CLYBL: variants seen among roughly 807,000 people sequenced by gnomAD.
CLYBL encodes citramalyl-CoA lyase.
Under a neutral mutation model 38.9 loss-of-function variants are expected in CLYBL, and 31 were observed. The ratio of observed to expected loss-of-function variants is 0.80; its 90% CI spans 0.60 to 1.08. The LOEUF is 1.08. Among genes scored for constraint, CLYBL ranks in the 50% least tolerant of loss-of-function variants. CLYBL has a pLI of 0.00. For synonymous variants in CLYBL, 171 were observed against 158.6 expected (o/e 1.08, Z -0.59); for missense variants, 434 against 411.6 (o/e 1.05, Z -0.47).
intron 7 of CLYBL, chr13:99,885,081 G>A (rs954762965): frequency 1.9e-6 from 1 of 530,082 alleles, no homozygotes; most frequent in South Asian, 1.4e-5. Flanking sequence ...ACTGGGTGCT[G>A]GGTGCCAGGT....
At chr13:99,895,566 G>C (rs2052564905), downstream of CLYBL, 2 of 152,190 alleles carry the variant, frequency 1.3e-5, no homozygotes, top group South Asian at 4.1e-4. Flanking sequence ...GCGTACCTGA[G>C]CGCGGTCCCC....
At chr13:99,812,584 C>T (rs142096269) in intron 2 of CLYBL, among the ~76,000 whole-genome samples, 21 of 152,292 alleles carry the variant, frequency 1.4e-4, no homozygotes, top group East Asian at 1.2e-3. Context: ...CACACACTTC[C>T]GGTTTTCAGA....
At chr13:99,795,057 G>A (rs1193109254) in intron 2 of CLYBL, among the ~76,000 whole-genome samples, 2 of 152,124 alleles carry the variant, frequency 1.3e-5, no homozygotes, top group Non-Finnish European at 2.9e-5. Flanking sequence ...ATCTTATTCT[G>A]TACCGGCTAT....
chr13:99,652,149 C>G (rs1470345690), intron 1 of CLYBL, among the ~76,000 whole-genome samples: 1 of 152,174 alleles, frequency 6.6e-6, no homozygotes, highest in East Asian at 1.9e-4. Flanking sequence ...GATGCAGGCT[C>G]CAGGGAGGGA....
intron 1 of CLYBL, among the ~76,000 whole-genome samples, chr13:99,663,344 C>T (rs1052373657): frequency 6.6e-6 from 1 of 152,182 alleles, no homozygotes; most frequent in African/African-American, 2.4e-5. Flanking sequence ...GGCCACTTTA[C>T]GTGGCTGAAG....
At chr13:99,778,991 G>C (rs909315354) in intron 2 of CLYBL, among the ~76,000 whole-genome samples, 1 of 152,164 alleles carries the variant, frequency 6.6e-6, no homozygotes, top group Non-Finnish European at 1.5e-5. Flanking sequence ...TGCCATGGCA[G>C]GCAGGAGGGA....
chr13:99,786,985 G>T (rs1433241238), intron 2 of CLYBL, among the ~76,000 whole-genome samples: 7 of 151,960 alleles, frequency 4.6e-5, no homozygotes, highest in African/African-American at 1.7e-4. Context: ...TCATGTGTGT[G>T]TTGGCTGCAT....
At chr13:99,765,847 G>A (rs988980077) in intron 1 of CLYBL, among the ~76,000 whole-genome samples, 5 of 146,140 alleles carry the variant, frequency 3.4e-5, no homozygotes, top group Admixed American at 2.7e-4. Flanking sequence ...ACCAAGTCGA[G>A]TCTTTTTTTT....
At chr13:99,705,999 T>C in intron 1 of CLYBL, among the ~76,000 whole-genome samples, 1 of 151,956 alleles carries the variant, frequency 6.6e-6, no homozygotes. Flanking sequence ...TGGCATGATC[T>C]CGGCTCACTG....
Position 99,609,787 on chromosome 13 carries a change from C to T in CLYBL, c.62+3030C>T, listed in dbSNP as rs573700992. 2.0e-5 allele frequency among the ~76,000 whole-genome samples: 3 copies of T among 152,382 alleles called. No individual in the cohort carries two copies. The South Asian group carries it at 6.2e-4, about 32-fold the overall frequency. On this transcript the variant is annotated intron_variant, in intron 1 of 8. Transcript: ENST00000339105. ...CTTGGCTCAAGCAATCTGCCTGCCT[C>T]TGTCGCTCATAGTATTGGGATTACA...
intron 2 of CLYBL, among the ~76,000 whole-genome samples, chr13:99,808,827 T>G (rs951819178): frequency 1.3e-5 from 2 of 152,236 alleles, no homozygotes; most frequent in African/African-American, 4.8e-5. Flanking sequence ...TTTTCCATGT[T>G]GAAAAGCTGC....
chr13:99,697,275 C>T (rs141395456), intron 1 of CLYBL, among the ~76,000 whole-genome samples: 269 of 152,260 alleles, frequency 1.8e-3, no homozygotes, highest in African/African-American at 6.2e-3. Context: ...AAGGATCCGC[C>T]CATAGTTTTA....
In CLYBL at chr13:99,846,286, AT is replaced by A. The variant is rs5806139; in HGVS notation, c.250-12552del. Among the ~76,000 whole-genome samples the A allele has an allele frequency of 6.3e-3, 682 of 108,120 alleles. 1 individual carries two copies. The highest frequency in any genetic ancestry group is 0.019 in the African/African-American group (589 of 30,554). 70.9% of individuals were successfully genotyped at this position (108,120 alleles called of 152,430 possible). A position where few individuals can be genotyped will look rare whatever the true frequency, so the allele number is the denominator to read the frequency against. ...CAATATTACCAAATATTGTGTGGAG[AT>A]TTTTTTTTTTTTTTTTTTTTTTGAG... On this transcript the variant is annotated intron_variant, in intron 2 of 8. Transcript: ENST00000339105.
chr13:99,753,161 G>A lies in CLYBL; in HGVS notation c.63-19663G>A, dbSNP rs192453000. 2.6e-5 allele frequency among the ~76,000 whole-genome samples: 4 copies of A among 152,278 alleles called. No individual in the cohort carries two copies. In the East Asian group the frequency reaches 7.7e-4, roughly 29 times the overall value. On this transcript the variant is annotated intron_variant, in intron 1 of 8. Transcript: ENST00000339105. ...GAGCAGGAAGATGTGGTGTGTCAGG[G>A]AACTGGCAGCAGATACCTGTAACTG...
chr13:99,732,169 G>GTTTTTTTTTT (rs35027014), intron 1 of CLYBL, among the ~76,000 whole-genome samples: 2 of 90,776 alleles, frequency 2.2e-5, no homozygotes, highest in Non-Finnish European at 4.2e-5. Context: ...TTATATGGCA[G>GTTTTTTTTTT]TTTTTTTTTT....
chr13:99,692,286 GTTTT>G (rs71215539), intron 1 of CLYBL, among the ~76,000 whole-genome samples: 1 of 115,886 alleles, frequency 8.6e-6, no homozygotes, highest in African/African-American at 3.7e-5. Flanking sequence ...TGTTTTTTTT[GTTTT>G]TTTTTTTTTG....
chr13:99,747,094 T>TAGAGCC (rs1176419252), intron 1 of CLYBL, among the ~76,000 whole-genome samples: 1 of 152,110 alleles, frequency 6.6e-6, no homozygotes, highest in Non-Finnish European at 1.5e-5. Flanking sequence ...TCACCAAAAG[T>TAGAGCC]AGAGCCAGAA....
intron 1 of CLYBL, among the ~76,000 whole-genome samples, chr13:99,665,346 A>T (rs979650291): frequency 4.6e-5 from 7 of 151,356 alleles, no homozygotes; most frequent in African/African-American, 9.7e-5. Context: ...TAAAAAAAAA[A>T]TTTCTTAATA....
chr13:99,686,416 A>G (rs570086918), intron 1 of CLYBL, among the ~76,000 whole-genome samples: 1 of 152,308 alleles, frequency 6.6e-6, no homozygotes, highest in South Asian at 2.1e-4. Context: ...ATTTCCTTCT[A>G]TAGCAGAAAC....
Sources: allele counts gnomAD v4.1 joint callset (sites outside exome capture counted in the v4.1 genomes callset), GRCh38; gene constraint gnomAD v4.1.1; transcripts MANE v1.5; gene names NCBI Gene and HGNC (gene_info 2026-07-23, HGNC 2026-07-21).